The following APBA1 variants were observed in gnomAD, a reference collection of about 807,000 sequenced individuals.
APBA1 encodes the protein amyloid beta precursor protein binding family A member 1.
A neutral mutation model predicts 86.6 loss-of-function variants in APBA1; 55 were observed. The observed-to-expected ratio is 0.64, with a 90% CI of 0.51 to 0.80. The LOEUF is 0.80. Among genes scored for constraint, APBA1 ranks in the 30% least tolerant of loss-of-function variants. The pLI is 0.00. For synonymous variants in APBA1, 511 were observed against 493.9 expected (o/e 1.03, Z -0.46); for missense variants, 1,090 against 1,183.0 (o/e 0.92, Z 1.15).
At chr9:69,662,864 A>T (rs1042249252) in intron 1 of APBA1, among the ~76,000 whole-genome samples, 75 of 152,292 alleles carry the variant, frequency 4.9e-4, no homozygotes, top group African/African-American at 1.6e-3. Flanking sequence ...GAACAAATCT[A>T]TTCTTCTTAC....
intron 1 of APBA1, among the ~76,000 whole-genome samples, chr9:69,536,332 G>C (rs1238040649): frequency 3.3e-5 from 5 of 151,808 alleles, no homozygotes; most frequent in South Asian, 4.2e-4. Context: ...TGAGAAACTA[G>C]GGAGAATGGT....
intron 1 of APBA1, among the ~76,000 whole-genome samples, chr9:69,578,720 A>C (rs771558165): frequency 5.3e-5 from 8 of 152,210 alleles, no homozygotes; most frequent in Non-Finnish European, 8.8e-5. Context: ...CTGGCCACCA[A>C]CTGGTGCCAT....
At chr9:69,601,056 A>T (rs537832634) in intron 1 of APBA1, among the ~76,000 whole-genome samples, 1 of 152,016 alleles carries the variant, frequency 6.6e-6, no homozygotes. Context: ...AGAAAAGTTG[A>T]TAATACAAGA....
At chr9:69,662,744 G>T (rs982043224) in intron 1 of APBA1, among the ~76,000 whole-genome samples, 65 of 152,134 alleles carry the variant, frequency 4.3e-4, no homozygotes, top group African/African-American at 1.5e-3. Flanking sequence ...TAGGAAGAGG[G>T]GCAGGAAGAG....
chr9:69,525,679 A>G (rs1156680403), intron 1 of APBA1, among the ~76,000 whole-genome samples: 1 of 152,174 alleles, frequency 6.6e-6, no homozygotes, highest in Non-Finnish European at 1.5e-5. Flanking sequence ...TGTTATTCCT[A>G]TCAAACTACC....
intron 6 of APBA1, among the ~76,000 whole-genome samples, chr9:69,457,906 G>A (rs1383506246): frequency 6.6e-6 from 1 of 152,084 alleles, no homozygotes; most frequent in African/African-American, 2.4e-5. Flanking sequence ...ACTACTATAC[G>A]ATTCATTCAG....
Position 69,427,607 on chromosome 9 carries a change from A to AGAT in APBA1, c.*3717_*3719dup, listed in dbSNP as rs1323747584. ...AGCGTTCAGTTAAATAAAGGAAGAT[A>AGAT]GATAGCACAGTAAATACATCACAAC... On this transcript the variant is annotated 3_prime_UTR_variant, in exon 13 of 13. Coordinates refer to ENST00000265381, the MANE Select transcript of APBA1 (RefSeq NM_001163.4). 6.7e-6 allele frequency: 1 copy of AGAT among 150,308 alleles called. No homozygotes were observed. Among genetic ancestry groups the AGAT allele is most frequent in the African/African-American group, 2.4e-5 (1 of 41,188 alleles). The allele number at this position is 150,308 out of a possible 1,614,324, so 9.3% of individuals were successfully genotyped here.
At chr9:69,667,223 G>T (rs1394635067) in intron 1 of APBA1, among the ~76,000 whole-genome samples, 1 of 152,128 alleles carries the variant, frequency 6.6e-6, no homozygotes, top group African/African-American at 2.4e-5. Context: ...TCTTTTTACT[G>T]CATTTAAGGG....
chr9:69,505,521 G>C (rs1588326838), intron 2 of APBA1, among the ~76,000 whole-genome samples: 2 of 152,090 alleles, frequency 1.3e-5, no homozygotes, highest in South Asian at 2.1e-4. Flanking sequence ...GTCAGTGTTT[G>C]TGCTTTTTAT....
intron 1 of APBA1, among the ~76,000 whole-genome samples, chr9:69,558,986 C>A (rs1326230689): frequency 1.3e-5 from 2 of 152,178 alleles, no homozygotes; most frequent in African/African-American, 4.8e-5. Context: ...TGTTATCTAG[C>A]ACCTTAATTC....
intron 11 of APBA1, among the ~76,000 whole-genome samples, chr9:69,434,269 C>T (rs1424702819): frequency 6.6e-5 from 10 of 152,154 alleles, no homozygotes; most frequent in South Asian, 4.2e-4. Flanking sequence ...AGCTGGCAGC[C>T]GGGAAGGCAG....
chr9:69,619,845 C>T (rs570759683), intron 1 of APBA1, among the ~76,000 whole-genome samples: 25 of 152,342 alleles, frequency 1.6e-4, no homozygotes, highest in East Asian at 5.8e-4. Context: ...CAGAGATGCA[C>T]ATACACACAC....
intron 12 of APBA1, among the ~76,000 whole-genome samples, chr9:69,432,056 G>C (rs1045318229): frequency 1.3e-5 from 2 of 152,242 alleles, no homozygotes; most frequent in East Asian, 3.9e-4. Flanking sequence ...ATGACTGATA[G>C]GAGTGATGAA....
intron 1 of APBA1, among the ~76,000 whole-genome samples, chr9:69,614,508 A>T (rs1822664361): frequency 6.6e-6 from 1 of 152,226 alleles, no homozygotes; most frequent in Non-Finnish European, 1.5e-5. Context: ...TTTGGTTATT[A>T]TGTTAAAATC....
At chr9:69,515,761 A>C (rs967065783) in intron 2 of APBA1, among the ~76,000 whole-genome samples, 1 of 149,868 alleles carries the variant, frequency 6.7e-6, no homozygotes, top group African/African-American at 2.5e-5. Flanking sequence ...CTCCAGGCAC[A>C]GTGTGGGAAG....
intron 5 of APBA1, chr9:69,464,779 GC>G (rs1162110550): frequency 6.6e-6 from 1 of 152,170 alleles, no homozygotes; most frequent in African/African-American, 2.4e-5. Context: ...CAAGTGATGT[GC>G]CCCGTGCCCG....
intron 1 of APBA1, among the ~76,000 whole-genome samples, chr9:69,598,783 A>G: frequency 6.6e-6 from 1 of 152,364 alleles, no homozygotes; most frequent in Non-Finnish European, 1.5e-5. Flanking sequence ...GGAATACACC[A>G]GGAAATGGGT....
intron 1 of APBA1, among the ~76,000 whole-genome samples, chr9:69,633,039 C>T (rs1489507858): frequency 6.6e-6 from 1 of 151,950 alleles, no homozygotes; most frequent in Non-Finnish European, 1.5e-5. Flanking sequence ...GGCTGCCCTC[C>T]CTAACAGCTA....
At chr9:69,646,545 G>A (rs1823393923) in intron 1 of APBA1, among the ~76,000 whole-genome samples, 1 of 152,010 alleles carries the variant, frequency 6.6e-6, no homozygotes, top group East Asian at 1.9e-4. Context: ...CACCCCTTCT[G>A]GAGAGCTTCG....
Sources: allele counts gnomAD v4.1 joint callset (sites outside exome capture counted in the v4.1 genomes callset), GRCh38; gene constraint gnomAD v4.1.1; transcripts MANE v1.5; gene names NCBI Gene and HGNC (gene_info 2026-07-23, HGNC 2026-07-21).